Variants in MAK16 observed in about 807,000 individuals in gnomAD.
MAK16 encodes the protein MAK16 homolog, also known as protein MAK16 homolog.
In MAK16, 12 loss-of-function variants were observed where a neutral mutation model predicts 49.9. The observed-to-expected ratio is 0.24, with a 90% CI of 0.15 to 0.39. The LOEUF is 0.39. Among genes scored for constraint, MAK16 ranks in the 10% least tolerant of loss-of-function variants. The pLI is 1.00. For missense variants in MAK16, 292 were observed against 363.7 expected (o/e 0.80, Z 1.60); for synonymous variants, 115 against 126.4 (o/e 0.91, Z 0.60).
At chr8:33,498,166 A>T (rs1311342874) in intron 9 of MAK16, among the ~76,000 whole-genome samples, 1 of 149,980 alleles carries the variant, frequency 6.7e-6, no homozygotes, top group East Asian at 2.0e-4. Flanking sequence ...CCAGCTACTC[A>T]GGAAGCTGAG....
chr8:33,496,803 G>C, intron 8 of MAK16, 62 bp downstream of exon 8: 1 of 1,228,718 alleles, frequency 8.1e-7, no homozygotes, highest in Non-Finnish European at 1.1e-6. Context: ...CTGAGAAACA[G>C]AATATCATCT....
chr8:33,500,451 C>G lies in MAK16; in HGVS notation c.*1822C>G, dbSNP rs547919889. On this transcript the variant is annotated 3_prime_UTR_variant, in exon 10 of 10. Coordinates refer to ENST00000360128, the MANE Select transcript of MAK16 (RefSeq NM_032509.4). ...CCCTTGCTACATCACAAATCAGTTT[C>G]AAGAGGGCCTTCAGTAAGACCACAA... 1.1e-5 allele frequency: 17 copies of G among 1,614,104 alleles called. No homozygotes were observed. Among genetic ancestry groups the G allele is most frequent in the Non-Finnish European group, 1.4e-5 (17 of 1,180,010 alleles).
chr8:33,499,523 A>G lies in MAK16; in HGVS notation c.*894A>G, dbSNP rs1457488782. ...GTACTTGCAAATCTCCTGCTGGCTC[A>G]TGAAACAGCAGAATTCCAGCCAAGG... On this transcript the variant is annotated 3_prime_UTR_variant, in exon 10 of 10. Coordinates refer to ENST00000360128, the MANE Select transcript of MAK16 (RefSeq NM_032509.4). 4.9e-6 allele frequency: 2 copies of G among 404,640 alleles called. No individual in the cohort carries two copies. Among genetic ancestry groups the G allele is most frequent in the East Asian group, 4.8e-5 (1 of 20,620 alleles). The allele number at this position is 404,640 out of a possible 1,614,324, so 25.1% of individuals were successfully genotyped here. A position where few individuals can be genotyped will look rare whatever the true frequency, so the allele number is the denominator to read the frequency against.
chr8:33,498,852 G>GCATA lies in MAK16; in HGVS notation c.*223_*224insCATA, dbSNP rs1442315396. On this transcript the variant is annotated 3_prime_UTR_variant, in exon 10 of 10. Coordinates refer to ENST00000360128, the MANE Select transcript of MAK16 (RefSeq NM_032509.4). ...GTGTTTTTATAGCATATGTGTTGAA[G>GCATA]TAACAGCTTGTGCCCGAGAAACTTA... is the stretch of plus-strand genomic sequence containing the variant. 1 of 591,726 alleles carries GCATA rather than the reference G, an allele frequency of 1.7e-6. No individual in the cohort carries two copies. The highest frequency in any genetic ancestry group is 1.9e-5 in the African/African-American group (1 of 53,692). 36.7% of individuals were successfully genotyped at this position (591,726 alleles called of 1,614,324 possible).
rs1808933344 is a variant in MAK16, at chr8:33,498,643, A to G, written c.*14A>G. ...AAAACCACGTGATTTCCCTTTCAGCATTTATACCCAGGACTGAACATGCAG... is the reference window on the plus strand; with the variant it reads ...AAAACCACGTGATTTCCCTTTCAGCGTTTATACCCAGGACTGAACATGCAG... On this transcript the variant is annotated 3_prime_UTR_variant, in exon 10 of 10. Transcript: ENST00000360128. The G allele has an allele frequency of 9.4e-6, 15 of 1,592,474 alleles. No individual in the cohort carries two copies. The highest frequency in any genetic ancestry group is 1.4e-5 in the African/African-American group (1 of 74,036).
chr8:33,491,255 G>A (rs1808773504), intron 6 of MAK16, among the ~76,000 whole-genome samples: 1 of 152,172 alleles, frequency 6.6e-6, no homozygotes, highest in Admixed American at 6.5e-5. Flanking sequence ...TGGAGTGTGG[G>A]TATCCCTTTG....
In MAK16 at chr8:33,500,726, C is replaced by T. The variant is rs147087979; in HGVS notation, c.*2097C>T. On this transcript the variant is annotated 3_prime_UTR_variant, in exon 10 of 10. Transcript: ENST00000360128. ...GACACACCCTCTGCCACACTGCTCT[C>T]TTCCTTCCAGAAGCTTGGTTCTACT... is the stretch of plus-strand genomic sequence containing the variant. 346 of 468,722 alleles carry T rather than the reference C, an allele frequency of 7.4e-4. 1 individual carries two copies. The highest frequency in any genetic ancestry group is 6.2e-3 in the African/African-American group (313 of 50,802). 29.0% of individuals were successfully genotyped at this position (468,722 alleles called of 1,614,324 possible).
chr8:33,497,601 T>C (rs1808895703), intron 9 of MAK16, among the ~76,000 whole-genome samples: 1 of 151,814 alleles, frequency 6.6e-6, no homozygotes, highest in African/African-American at 2.4e-5. Flanking sequence ...CAAGCGATTC[T>C]CCTCCTTCAG....
At chr8:33,491,678 G>T (rs1023793993) in intron 6 of MAK16, among the ~76,000 whole-genome samples, 11 of 132,216 alleles carry the variant, frequency 8.3e-5, no homozygotes, top group Non-Finnish European at 9.2e-5. Context: ...CTATTGTCCA[G>T]GCTGGAGTGC....
In MAK16 at chr8:33,497,260, A is replaced by G; in HGVS notation, c.668A>G (p.Asp223Gly). Residue 223 changes from aspartate to glycine, a missense_variant, in exon 9 of 10, where the codon GAT (aspartate) becomes GGT (glycine). Coordinates refer to ENST00000360128, the MANE Select transcript of MAK16 (RefSeq NM_032509.4). ...EDVGKREFVE[D>G]GEVDESDISD... is the part of the protein sequence containing the mutation. ...GTGGGGAAAAGAGAATTTGTCGAAG[A>G]TGGTGAGGTAGATGAGAGTGACATA... 6.3e-7 allele frequency: 1 copy of G among 1,593,872 alleles called. No individual in the cohort carries two copies. The highest frequency in any genetic ancestry group is 8.6e-7 in the Non-Finnish European group (1 of 1,167,750).
chr8:33,488,959 C>T (rs781364084), intron 4 of MAK16, 29 bp from the exon 5 acceptor site: 10 of 1,613,866 alleles, frequency 6.2e-6, no homozygotes, highest in Non-Finnish European at 7.6e-6. Flanking sequence ...TTACACTTGC[C>T]CTTCAAACTT....
chr8:33,496,868 T>C, intron 8 of MAK16, 127 bp downstream of exon 8: 1 of 757,362 alleles, frequency 1.3e-6, no homozygotes, highest in Non-Finnish European at 2.1e-6. Flanking sequence ...GTGATTAATT[T>C]TGGTTTAGCA....
At chr8:33,492,007 A>ATTTTG (rs1353337553) in intron 6 of MAK16, among the ~76,000 whole-genome samples, 9 of 148,288 alleles carry the variant, frequency 6.1e-5, no homozygotes, top group African/African-American at 2.2e-4. Flanking sequence ...TATAGTCTGG[A>ATTTTG]TTTTGTTTTG....
chr8:33,494,077 T>C (rs768371073), intron 6 of MAK16, among the ~76,000 whole-genome samples: 26 of 152,224 alleles, frequency 1.7e-4, no homozygotes, highest in Non-Finnish European at 3.1e-4. Flanking sequence ...GAAAAGTGCA[T>C]GGATCATCTT....
Position 33,495,534 on chromosome 8 carries a change from C to T in MAK16, c.448-8C>T, listed in dbSNP as rs1355190180. 6.2e-6 allele frequency: 10 copies of T among 1,611,630 alleles called. No individual in the cohort carries two copies. In the East Asian group the frequency reaches 2.2e-4, roughly 36 times the overall value. On this transcript the variant is annotated splice_region_variant and splice_polypyrimidine_tract_variant and intron_variant, in intron 6 of 9. Coordinates refer to ENST00000360128, the MANE Select transcript of MAK16 (RefSeq NM_032509.4). ...GAATTAAACAGATTTGCTCTTTCCC[C>T]CTTATAGGAAAAGGCATTAATAGCT...
rs546375792 is a variant in MAK16 at position 33,500,296 on chromosome 8, C to G, written c.*1667C>G. The G allele has an allele frequency of 1.4e-5, 22 of 1,613,196 alleles. No homozygotes were observed. The highest frequency in any genetic ancestry group is 2.7e-5 in the African/African-American group (2 of 74,902). ...TGGGAATTACATAAGGATAATGAGG[C>G]CCAACTGAAACCAAGTTTCAGTCTG... On this transcript the variant is annotated 3_prime_UTR_variant, in exon 10 of 10. Coordinates refer to ENST00000360128, the MANE Select transcript of MAK16 (RefSeq NM_032509.4).
Position 33,499,324 on chromosome 8 carries a change from T to A in MAK16, c.*695T>A. 1 of 1,330,728 alleles carries A rather than the reference T, an allele frequency of 7.5e-7. No homozygotes were observed. Among genetic ancestry groups the A allele is most frequent in the Non-Finnish European group, 1.1e-6 (1 of 925,598 alleles). The allele number at this position is 1,330,728 out of a possible 1,614,324, so 82.4% of individuals were successfully genotyped here. A position where few individuals can be genotyped will look rare whatever the true frequency, so the allele number is the denominator to read the frequency against. ...GCTTTGATATTTTTTTTTTTTTAAT[T>A]ACTTTCCCCTTTTGCTTGATTCTTC... is the stretch of plus-strand genomic sequence containing the variant. On this transcript the variant is annotated 3_prime_UTR_variant, in exon 10 of 10. Coordinates refer to ENST00000360128, the MANE Select transcript of MAK16 (RefSeq NM_032509.4).
At chr8:33,495,736 A>C (rs1443079707) in intron 7 of MAK16, 120 bp downstream of exon 7, 1 of 479,680 alleles carries the variant, frequency 2.1e-6, no homozygotes, top group Non-Finnish European at 3.2e-6. Context: ...TTTTTTTTTG[A>C]GATGGAGTCT....
chr8:33,492,600 A>T (rs2128824111), intron 6 of MAK16, among the ~76,000 whole-genome samples: 1 of 152,302 alleles, frequency 6.6e-6, no homozygotes, highest in South Asian at 2.1e-4. Flanking sequence ...GTCTAGTTTC[A>T]TTCTTCTGCA....
Sources: gnomAD v4.1 joint callset for allele counts (sites outside exome capture counted in the v4.1 genomes callset) on GRCh38, gnomAD v4.1.1 for gene constraint, MANE v1.5 for transcripts, NCBI Gene and HGNC (gene_info 2026-07-23, HGNC 2026-07-21) for gene names.